Variants in ITGA2 observed in about 807,000 individuals in gnomAD.
ITGA2 encodes integrin alpha-2.
In ITGA2, 101 loss-of-function variants were observed where a neutral mutation model predicts 146.3. That is an observed-to-expected ratio of 0.69 (90% CI 0.59 to 0.81). ITGA2 has a LOEUF of 0.81. ITGA2 is among the 40% of genes least tolerant of loss of function. The pLI, the probability that ITGA2 is intolerant of heterozygous loss-of-function variation, is 0.00. For synonymous variants in ITGA2, 477 were observed against 487.1 expected (o/e 0.98, Z 0.27); for missense variants, 1,281 against 1,402.7 (o/e 0.91, Z 1.39).
chr5:53,018,412 T>A (rs1333451997), intron 1 of ITGA2, among the ~76,000 whole-genome samples: 1 of 152,112 alleles, frequency 6.6e-6, no homozygotes, highest in Non-Finnish European at 1.5e-5. Context: ...ACTCCTCACC[T>A]GTTCAACTGA....
chr5:53,070,001 A>G (rs1037787641), intron 16 of ITGA2, 108 bp from the exon 17 acceptor site: 30 of 871,088 alleles, frequency 3.4e-5, no homozygotes, highest in Non-Finnish European at 5.2e-5. Context: ...CTATTTCCAT[A>G]TTTTCTTGAT....
chr5:53,015,382 C>T (rs558456153), intron 1 of ITGA2, among the ~76,000 whole-genome samples: 1 of 152,008 alleles, frequency 6.6e-6, no homozygotes, highest in Non-Finnish European at 1.5e-5. Flanking sequence ...AGGATGTTTA[C>T]TTTAGATGCA....
At chr5:52,995,493 A>G (rs961971503) in intron 1 of ITGA2, among the ~76,000 whole-genome samples, 1 of 152,140 alleles carries the variant, frequency 6.6e-6, no homozygotes, top group Admixed American at 6.6e-5. Context: ...TTGATTTACT[A>G]TGGAGGTGGA....
chr5:53,035,570 T>C (rs1302015402), intron 2 of ITGA2, among the ~76,000 whole-genome samples: 1 of 152,162 alleles, frequency 6.6e-6, no homozygotes, highest in Non-Finnish European at 1.5e-5. Context: ...TGCCAAAGAA[T>C]TTAACTATTA....
At chr5:53,078,258 T>C (rs1445942) in intron 23 of ITGA2, among the ~76,000 whole-genome samples, 42,766 of 151,944 alleles carry the variant, frequency 0.28, 6,111 homozygotes, top group African/African-American at 0.32. Context: ...ACCATTCAAA[T>C]TGGTTTGCAA....
chr5:53,002,634 G>T (rs1275949265), intron 1 of ITGA2, among the ~76,000 whole-genome samples: 4 of 152,000 alleles, frequency 2.6e-5, no homozygotes, highest in African/African-American at 9.7e-5. Context: ...GGGATATTTT[G>T]CCCCCCACTG....
intron 1 of ITGA2, among the ~76,000 whole-genome samples, chr5:53,014,442 A>C (rs1325262663): frequency 1.3e-5 from 2 of 152,204 alleles, no homozygotes; most frequent in African/African-American, 4.8e-5. Context: ...CATCCGAGGG[A>C]TAAAACCTAC....
intron 1 of ITGA2, among the ~76,000 whole-genome samples, chr5:52,991,280 T>A (rs1740940212): frequency 1.3e-5 from 2 of 152,188 alleles, no homozygotes; most frequent in Non-Finnish European, 2.9e-5. Context: ...CACTTGAGGT[T>A]CCTGGAGAAG....
chr5:53,009,724 T>A (rs1040883144), intron 1 of ITGA2, among the ~76,000 whole-genome samples: 1 of 152,164 alleles, frequency 6.6e-6, no homozygotes, highest in Admixed American at 6.5e-5. Context: ...AAAATGCATG[T>A]GTTGAAATGC....
In ITGA2 at chr5:53,059,882, G is replaced by A; in HGVS notation, c.1182G>A (p.Leu394=). The stretch of plus-strand genomic sequence containing the variant: ...TTTTTCAATTATTTTAGGATATTCT[G>A]ATGCTGGGTGCAGTGGGAGCTTTTG... ...SADYSSQNDI[L]MLGAVGAFGW... The change falls in exon 11 of 30, where the codon CTG becomes CTA. Residue 394 remains leucine, a synonymous_variant. Coordinates refer to ENST00000296585, the MANE Select transcript of ITGA2 (RefSeq NM_002203.4). 6.2e-7 allele frequency: 1 copy of A among 1,611,980 alleles called. No individual in the cohort carries two copies. Among genetic ancestry groups the A allele is most frequent in the Non-Finnish European group, 8.5e-7 (1 of 1,178,762 alleles).
intron 9 of ITGA2, 35 bp downstream of exon 9, chr5:53,056,184 C>T (rs1744627840): frequency 1.3e-6 from 2 of 1,576,014 alleles, no homozygotes; most frequent in African/African-American, 2.7e-5. Flanking sequence ...GAATTTTCTT[C>T]AAAATGTTTA....
chr5:53,042,009 T>C (rs904748813), intron 2 of ITGA2, 103 bp from the exon 3 acceptor site: 3 of 786,832 alleles, frequency 3.8e-6, no homozygotes, highest in Non-Finnish European at 6.8e-6. Flanking sequence ...ATATAAACTG[T>C]TCACATTGAA....
intron 17 of ITGA2, among the ~76,000 whole-genome samples, chr5:53,071,333 G>T (rs1745385594): frequency 6.6e-6 from 1 of 151,864 alleles, no homozygotes. Flanking sequence ...TCCCTAGTGA[G>T]GAAATGGAGA....
At chr5:53,038,839 C>A (rs1001943185) in intron 2 of ITGA2, among the ~76,000 whole-genome samples, 1 of 152,046 alleles carries the variant, frequency 6.6e-6, no homozygotes, top group Non-Finnish European at 1.5e-5. Flanking sequence ...ACCAGTAATC[C>A]CAGTGTTTTA....
At position 53,075,053 on chromosome 5, in the gene ITGA2, G is replaced by A; in HGVS notation, c.2665-8G>A. 1.3e-6 allele frequency: 2 copies of A among 1,590,360 alleles called. No homozygotes were observed. The highest frequency in any genetic ancestry group is 1.7e-6 in the Non-Finnish European group (2 of 1,160,802). On this transcript the variant is annotated splice_region_variant and splice_polypyrimidine_tract_variant and intron_variant, in intron 21 of 29. Transcript: ENST00000296585. ...TCATAGACTGAGAAATTTTAATTTT[G>A]TCTTTAGGTGACTTTTACTATTAAC...
Position 53,065,033 on chromosome 5 carries a change from G to A in ITGA2, c.1724G>A (p.Gly575Asp), listed in dbSNP as rs1376749810. Residue 575 changes from glycine (G) to aspartate (D), a missense_variant, in exon 14 of 30, where the codon GGT becomes GAT. By Grantham distance (94) the Gly-to-Asp change is moderately conservative. Around this residue, in one of 3 missense-constraint regions of ITGA2, gnomAD observed 795 missense variants for 841.7 expected, o/e 0.94. Transcript: ENST00000296585. The stretch of plus-strand genomic sequence containing the variant: ...GATGGCTTTAATGATGTGATTGTTG[G>A]TTCACCACTAGAAAATCAGAATTCT... ...NMDGFNDVIV[G>D]SPLENQNSGA... 3 of 1,612,726 alleles carry A rather than the reference G, an allele frequency of 1.9e-6. No individual in the cohort carries two copies. Among genetic ancestry groups the A allele is most frequent in the Non-Finnish European group, 2.5e-6 (3 of 1,179,212 alleles).
rs1177526908 is a variant in ITGA2 at position 53,093,406 on chromosome 5, T to G, written c.*2807T>G. On this transcript the variant is annotated 3_prime_UTR_variant, in exon 30 of 30. Transcript: ENST00000296585. Reference sequence around the variant, plus strand: ...CAGGGTCTCTCAACCTGGGCGCTACTGTCATTTGGGGCCAGGTGATTCTTC... The same window carrying G: ...CAGGGTCTCTCAACCTGGGCGCTACGGTCATTTGGGGCCAGGTGATTCTTC... The G allele has an allele frequency of 3.3e-5, 5 of 152,250 alleles. No individual in the cohort carries two copies. The highest frequency in any genetic ancestry group is 9.7e-5 in the African/African-American group (4 of 41,442). The allele number at this position is 152,250 out of a possible 1,614,324, so 9.4% of individuals were successfully genotyped here.
At chr5:53,073,341 T>A in intron 20 of ITGA2, 82 bp downstream of exon 20, 1 of 1,474,330 alleles carries the variant, frequency 6.8e-7, no homozygotes, top group Non-Finnish European at 9.5e-7. Flanking sequence ...CTGAGTTGTT[T>A]AAAGAAGCAC....
In ITGA2 at chr5:53,051,470, A is replaced by G. The variant is rs772642003; in HGVS notation, c.690A>G (p.Lys230=). ...PRVVFNLNTY[K]TKEEMIVATS... is the part of the protein sequence containing the mutation. ...TTGTGTTTAACTTGAACACATATAA[A>G]ACCAAAGAAGAAATGATTGTAGCAA... The change falls in exon 7 of 30, where the codon AAA becomes AAG. Residue 230 remains lysine (K), a synonymous_variant. Transcript: ENST00000296585. 2 of 1,613,682 alleles carry G rather than the reference A, an allele frequency of 1.2e-6. No individual in the cohort carries two copies. Among genetic ancestry groups the G allele is most frequent in the East Asian group, 4.5e-5 (2 of 44,788 alleles).
Sources: gnomAD v4.1 joint callset for allele counts (sites outside exome capture counted in the v4.1 genomes callset) on GRCh38, gnomAD v4.1.1 for gene constraint, gnomAD v4.1.1 regional missense constraint, MANE v1.5 for transcripts, NCBI Gene and HGNC (gene_info 2026-07-23, HGNC 2026-07-21) for gene names.